Variants in MACROD2 observed in about 807,000 individuals in gnomAD.
MACROD2 encodes ADP-ribose glycohydrolase MACROD2.
MACROD2 carries 36 observed loss-of-function variants against 70.4 expected under a neutral mutation model. The observed-to-expected ratio is 0.51, with a 90% CI of 0.39 to 0.68. The LOEUF (loss-of-function observed/expected upper bound fraction) is 0.68. MACROD2 is among the 30% of genes least tolerant of loss of function. The pLI, the probability that MACROD2 is intolerant of heterozygous loss-of-function variation, is 0.00. For synonymous variants in MACROD2, 172 were observed against 178.8 expected (o/e 0.96, Z 0.30); for missense variants, 496 against 538.4 (o/e 0.92, Z 0.78).
intron 4 of MACROD2, among the ~76,000 whole-genome samples, chr20:14,510,886 A>T: frequency 6.6e-6 from 1 of 152,104 alleles, no homozygotes; most frequent in Non-Finnish European, 1.5e-5. Flanking sequence ...GGTTGTTTTT[A>T]ATAATCTGAT....
chr20:15,913,128 T>C (rs2065260746), intron 10 of MACROD2, among the ~76,000 whole-genome samples: 1 of 152,172 alleles, frequency 6.6e-6, no homozygotes, highest in Admixed American at 6.5e-5. Flanking sequence ...TTTAAAAATA[T>C]ATTAGGCATT....
At chr20:14,290,997 AT>A (rs2082382151) in intron 3 of MACROD2, among the ~76,000 whole-genome samples, 2 of 152,212 alleles carry the variant, frequency 1.3e-5, no homozygotes, top group Admixed American at 1.3e-4. Context: ...TAGTTGATAT[AT>A]TTGTTATTCC....
intron 4 of MACROD2, among the ~76,000 whole-genome samples, chr20:14,548,792 A>G (rs1167487541): frequency 6.6e-6 from 1 of 151,538 alleles, no homozygotes; most frequent in Non-Finnish European, 1.5e-5. Context: ...ATTCACTGGG[A>G]AGTGATCCCT....
chr20:14,490,953 A>G (rs2084786774), intron 3 of MACROD2, among the ~76,000 whole-genome samples: 1 of 152,318 alleles, frequency 6.6e-6, no homozygotes, highest in East Asian at 1.9e-4. Context: ...AATTTATTAG[A>G]TGCAGGCCAA....
At chr20:15,898,569 A>AAC (rs1568625991) in intron 10 of MACROD2, among the ~76,000 whole-genome samples, 2 of 151,280 alleles carry the variant, frequency 1.3e-5, no homozygotes, top group Admixed American at 6.6e-5. Context: ...AAAAAAAAAA[A>AAC]ACAAATTCTA....
At chr20:14,497,123 A>G (rs1478172197) in intron 4 of MACROD2, among the ~76,000 whole-genome samples, 1 of 151,732 alleles carries the variant, frequency 6.6e-6, no homozygotes, top group African/African-American at 2.4e-5. Flanking sequence ...AAAATAAGTG[A>G]GAGGACAGGA....
At chr20:15,732,042 C>T (rs2050951664) in intron 8 of MACROD2, among the ~76,000 whole-genome samples, 1 of 146,516 alleles carries the variant, frequency 6.8e-6, no homozygotes, top group South Asian at 2.2e-4. Context: ...AGGTGTAAGC[C>T]ACAATGCCTG....
chr20:15,215,619 A>T lies in MACROD2; in HGVS notation c.419-14321A>T, dbSNP rs139764949. Among the ~76,000 whole-genome samples, 10 of 152,178 alleles carry T rather than the reference A, an allele frequency of 6.6e-5. No individual in the cohort carries two copies. The East Asian group carries it at 1.7e-3, about 26-fold the overall frequency. ...AGTTATCAGAAAAAAGTGTGAAGGC[A>T]TATGTTAAGTGAATTAAAATCCACT... On this transcript the variant is annotated intron_variant, in intron 5 of 17. Transcript: ENST00000684519.
chr20:16,030,045 G>T (rs1301772642), intron 15 of MACROD2, among the ~76,000 whole-genome samples: 1 of 152,156 alleles, frequency 6.6e-6, no homozygotes, highest in Non-Finnish European at 1.5e-5. Flanking sequence ...TGCTAGGGTG[G>T]AAGGCTAAGA....
At chr20:15,646,593 A>G (rs1051403961) in intron 8 of MACROD2, among the ~76,000 whole-genome samples, 8 of 152,200 alleles carry the variant, frequency 5.3e-5, no homozygotes, top group African/African-American at 1.9e-4. Context: ...TGTAATCCCC[A>G]TAATCCATAT....
intron 3 of MACROD2, among the ~76,000 whole-genome samples, chr20:14,133,372 C>G (rs763175035): frequency 6.6e-6 from 1 of 152,154 alleles, no homozygotes; most frequent in Non-Finnish European, 1.5e-5. Context: ...ATTTCCAATA[C>G]AAATATTAAC....
chr20:14,344,410 G>T (rs1450262143), intron 3 of MACROD2, among the ~76,000 whole-genome samples: 1 of 151,938 alleles, frequency 6.6e-6, no homozygotes, highest in African/African-American at 2.4e-5. Flanking sequence ...AAAATATAAA[G>T]GTACTTAAAT....
In MACROD2 at chr20:14,000,761, GT is replaced by G. The variant is rs1008780828; in HGVS notation, c.47-1525del. 3.6e-4 allele frequency among the ~76,000 whole-genome samples: 55 copies of G among 152,290 alleles called. 1 individual carries two copies. The highest frequency in any genetic ancestry group is 1.2e-3 in the Admixed American group (19 of 15,302). The stretch of plus-strand genomic sequence containing the variant: ...TGCATGTTTTCCTGTGTCCTAGTGG[GT>G]TGTTTTATACACCCTCTGGGAAATG... On this transcript the variant is annotated intron_variant, in intron 1 of 17. Coordinates refer to ENST00000684519, the MANE Select transcript of MACROD2 (RefSeq NM_001351661.2).
At chr20:16,033,449 G>A (rs1049903524) in intron 15 of MACROD2, among the ~76,000 whole-genome samples, 3 of 152,058 alleles carry the variant, frequency 2.0e-5, no homozygotes, top group Non-Finnish European at 4.4e-5. Flanking sequence ...ATAGAATAAT[G>A]AATGAATGAT....
At chr20:15,098,883 C>G (rs1421983521) in intron 5 of MACROD2, among the ~76,000 whole-genome samples, 1 of 152,212 alleles carries the variant, frequency 6.6e-6, no homozygotes, top group Admixed American at 6.5e-5. Context: ...CTGCCATCTT[C>G]AGGATAATTT....
chr20:15,870,942 GCT>G (rs2064571808), intron 9 of MACROD2, among the ~76,000 whole-genome samples: 1 of 152,236 alleles, frequency 6.6e-6, no homozygotes, highest in Admixed American at 6.5e-5. Flanking sequence ...ACTTTGGGAT[GCT>G]GAGGTGGGTG....
chr20:15,990,725 C>T (rs16996904), intron 15 of MACROD2, among the ~76,000 whole-genome samples: 10,156 of 152,190 alleles, frequency 0.067, 825 homozygotes, highest in African/African-American at 0.2. Flanking sequence ...TTGAACCAAG[C>T]ATGGTCTGAC....
At chr20:15,344,248 A>G (rs1568735954) in intron 6 of MACROD2, among the ~76,000 whole-genome samples, 1 of 152,110 alleles carries the variant, frequency 6.6e-6, no homozygotes. Flanking sequence ...CTTCTCTCTA[A>G]TCGTTTTACT....
At chr20:15,606,358 C>T (rs147233453) in intron 8 of MACROD2, among the ~76,000 whole-genome samples, 2 of 152,150 alleles carry the variant, frequency 1.3e-5, no homozygotes, top group African/African-American at 4.8e-5. Flanking sequence ...GCCTCTACTC[C>T]TGGCTTGCTT....
Sources: gnomAD v4.1 joint callset for allele counts (sites outside exome capture counted in the v4.1 genomes callset) on GRCh38, gnomAD v4.1.1 for gene constraint, MANE v1.5 for transcripts, NCBI Gene and HGNC (gene_info 2026-07-23, HGNC 2026-07-21) for gene names.